Variants in SRPK1 observed in about 807,000 individuals in gnomAD.
SRPK1 encodes the protein SRSF protein kinase 1.
A neutral mutation model predicts 89.5 loss-of-function variants in SRPK1; 52 were observed. That is an observed-to-expected ratio of 0.58 (90% CI 0.46 to 0.73). The LOEUF is 0.73. Ranked by LOEUF, SRPK1 falls within the 30% of genes least tolerant of loss-of-function variation. The probability of loss-of-function intolerance (pLI) is 0.00; values close to 1 mark genes in which losing one functional copy is unlikely to be tolerated. For synonymous variants in SRPK1, 255 were observed against 270.2 expected (o/e 0.94, Z 0.55); for missense variants, 603 against 780.6 (o/e 0.77, Z 2.71).
At chr6:35,867,219 C>T (rs1769924559) in intron 12 of SRPK1, among the ~76,000 whole-genome samples, 1 of 152,102 alleles carries the variant, frequency 6.6e-6, no homozygotes, top group African/African-American at 2.4e-5. Flanking sequence ...GGAGCAAGGG[C>T]AGCAGAAGGG....
At chr6:35,882,108 A>G (rs1770305399) in intron 6 of SRPK1, among the ~76,000 whole-genome samples, 1 of 130,718 alleles carries the variant, frequency 7.7e-6, no homozygotes, top group South Asian at 2.6e-4. Context: ...TAGCAATAGT[A>G]GTAGTAGTAC....
chr6:35,911,964 C>T (rs1770978392), intron 2 of SRPK1, among the ~76,000 whole-genome samples: 1 of 151,986 alleles, frequency 6.6e-6, no homozygotes, highest in African/African-American at 2.4e-5. Flanking sequence ...ATGCAGCAAA[C>T]TTCATTGTTT....
rs957988973 is a variant in SRPK1, at chr6:35,889,390, G to A, written c.194-467C>T. 3.9e-5 allele frequency among the ~76,000 whole-genome samples: 6 copies of A among 152,256 alleles called. No homozygotes were observed. In the East Asian group the frequency reaches 9.6e-4, roughly 24 times the overall value. On this transcript the variant is annotated intron_variant, in intron 3 of 15. Coordinates refer to ENST00000373825, the MANE Select transcript of SRPK1 (RefSeq NM_003137.5). ...AGCCCAGGCACGGTGGCTCATGCCT[G>A]TAATCCCAGCACTTTGGGAGGCCAA...
intron 6 of SRPK1, among the ~76,000 whole-genome samples, chr6:35,875,070 T>C (rs539617077): frequency 6.6e-6 from 1 of 152,206 alleles, no homozygotes; most frequent in Non-Finnish European, 1.5e-5. Context: ...AATGGTCTAG[T>C]GCTCAGACTT....
chr6:35,841,880 A>T (rs1482933289), intron 14 of SRPK1, among the ~76,000 whole-genome samples: 1 of 150,786 alleles, frequency 6.6e-6, no homozygotes, highest in Non-Finnish European at 1.5e-5. Context: ...TTGTTTGTTC[A>T]TTCAAATTAT....
Position 35,852,010 on chromosome 6 carries a change from A to G in SRPK1, c.1620+5251T>C, listed in dbSNP as rs116099769. Among the ~76,000 whole-genome samples, 1,232 of 152,308 alleles carry G rather than the reference A, an allele frequency of 8.1e-3. 13 individuals are homozygous for G. Among genetic ancestry groups the G allele is most frequent in the African/African-American group, 0.024 (986 of 41,572 alleles). On this transcript the variant is annotated intron_variant, in intron 13 of 15. Transcript: ENST00000373825. ...AACTGACATGTACAAGCTATGAATG[A>G]GACTATCTTGCCCCAGCGATCTAGG...
At chr6:35,860,298 G>A (rs1769754274) in intron 12 of SRPK1, among the ~76,000 whole-genome samples, 1 of 152,098 alleles carries the variant, frequency 6.6e-6, no homozygotes, top group African/African-American at 2.4e-5. Flanking sequence ...GTCATGAGGG[G>A]GTCTGCCTTC....
intron 2 of SRPK1, among the ~76,000 whole-genome samples, chr6:35,896,148 A>C (rs1298399371): frequency 6.6e-6 from 1 of 152,224 alleles, no homozygotes; most frequent in Non-Finnish European, 1.5e-5. Context: ...CAGGTAAAAC[A>C]ACCTGGGCTT....
intron 14 of SRPK1, 117 bp from the exon 15 acceptor site, chr6:35,838,546 C>T: frequency 7.6e-7 from 1 of 1,310,958 alleles, no homozygotes; most frequent in Non-Finnish European, 1.1e-6. Flanking sequence ...TAAAGCCTAT[C>T]AGGCTTACTT....
At chr6:35,850,802 G>C (rs1174741471) in intron 13 of SRPK1, among the ~76,000 whole-genome samples, 1 of 152,194 alleles carries the variant, frequency 6.6e-6, no homozygotes, top group Non-Finnish European at 1.5e-5. Flanking sequence ...ACAAAGAAAA[G>C]TGATAAAGTG....
chr6:35,902,231 A>C (rs1770757627), intron 2 of SRPK1, among the ~76,000 whole-genome samples: 2 of 97,170 alleles, frequency 2.1e-5, no homozygotes, highest in South Asian at 8.5e-4. Flanking sequence ...CTCCGTCTCT[A>C]CAAAAAAAAA....
intron 2 of SRPK1, among the ~76,000 whole-genome samples, chr6:35,918,505 AG>A (rs561271715): frequency 1.5e-3 from 227 of 152,306 alleles, no homozygotes; most frequent in African/African-American, 5.3e-3. Flanking sequence ...TGCCTCAAAA[AG>A]AAAAAGAAAA....
intron 3 of SRPK1, among the ~76,000 whole-genome samples, chr6:35,890,563 A>T (rs1770497828): frequency 2.0e-5 from 3 of 152,236 alleles, no homozygotes. Flanking sequence ...ATTTTGTAAA[A>T]ATCTATATGC....
In SRPK1 at chr6:35,834,283, T is replaced by C. The variant is rs982399728; in HGVS notation, c.*1021A>G. ...TGAGAAAATCAGAAAGGCAAAGCCA[T>C]AGAGGAAAACTGCTTCAAGGCCAGA... On this transcript the variant is annotated 3_prime_UTR_variant, in exon 16 of 16. Transcript: ENST00000373825. 3 of 152,176 alleles carry C rather than the reference T, an allele frequency of 2.0e-5. No individual in the cohort carries two copies. Among genetic ancestry groups the C allele is most frequent in the Non-Finnish European group, 4.4e-5 (3 of 67,960 alleles). The allele number at this position is 152,176 out of a possible 1,614,324, so 9.4% of individuals were successfully genotyped here. A position where few individuals can be genotyped will look rare whatever the true frequency, so the allele number is the denominator to read the frequency against.
chr6:35,845,939 G>C (rs1330979801), intron 13 of SRPK1, among the ~76,000 whole-genome samples: 1 of 152,044 alleles, frequency 6.6e-6, no homozygotes, highest in African/African-American at 2.4e-5. Context: ...TTAGAAAAAA[G>C]GAATTAACAG....
chr6:35,847,389 G>T (rs980648293), intron 13 of SRPK1, among the ~76,000 whole-genome samples: 1 of 151,892 alleles, frequency 6.6e-6, no homozygotes, highest in African/African-American at 2.4e-5. Flanking sequence ...CATTTCTTTT[G>T]GTAGAAATGG....
rs1161007414 is a variant in SRPK1 at position 35,921,079 on chromosome 6, C to T, written c.-23G>A. The T allele has an allele frequency of 8.9e-5, 134 of 1,505,420 alleles. 1 individual carries two copies. The highest frequency in any genetic ancestry group is 1.1e-4 in the Non-Finnish European group (129 of 1,125,380). The allele number at this position is 1,505,420 out of a possible 1,614,324, so 93.3% of individuals were successfully genotyped here. A position where few individuals can be genotyped will look rare whatever the true frequency, so the allele number is the denominator to read the frequency against. ...CATGGTGAGACCGGTAATCGCCAGG[C>T]GCCTGCGCACTCGAGTGGCGGCGAC... On this transcript the variant is annotated 5_prime_UTR_variant, in exon 1 of 16. Transcript: ENST00000373825.
At chr6:35,880,742 A>AAAAAAAAAAAAAAAAAAAGAAAG in intron 6 of SRPK1, among the ~76,000 whole-genome samples, 3 of 28,176 alleles carry the variant, frequency 1.1e-4, no homozygotes, top group South Asian at 2.2e-3. Context: ...AAAGAAAAAA[A>AAAAAAAAAAAAAAAAAAAGAAAG]AAAAAAAAGA....
At chr6:35,838,824 G>A in intron 14 of SRPK1, 8 of 1,365,992 alleles carry the variant, frequency 5.9e-6, no homozygotes, top group Non-Finnish European at 6.8e-6. Flanking sequence ...AAGAAGAACA[G>A]ATCAAGGACA....
Sources: gnomAD v4.1 joint callset for allele counts (sites outside exome capture counted in the v4.1 genomes callset) on GRCh38, gnomAD v4.1.1 for gene constraint, MANE v1.5 for transcripts, NCBI Gene and HGNC (gene_info 2026-07-23, HGNC 2026-07-21) for gene names.